GNB1: variants seen among roughly 807,000 people sequenced by gnomAD.
GNB1 encodes G protein subunit beta 1, also known as guanine nucleotide-binding protein G(I)/G(S)/G(T) subunit beta-1.
A neutral mutation model predicts 42.9 loss-of-function variants in GNB1; 2 were observed. That is an observed-to-expected ratio of 0.05 (90% CI 0.02 to 0.15). The LOEUF (loss-of-function observed/expected upper bound fraction) is 0.15, where lower values mean the gene tolerates loss of function less well. Ranked by LOEUF, GNB1 falls within the 10% of genes least tolerant of loss-of-function variation. The pLI is 1.00. For missense variants in GNB1, 193 were observed against 462.2 expected, an observed-to-expected ratio of 0.42 and a Z score of 5.34; for synonymous variants, 183 against 174.7, an observed-to-expected ratio of 1.05 and a Z score of -0.38.
chr1:1,885,521 G>A (rs1650097762), intron 1 of GNB1, among the ~76,000 whole-genome samples: 1 of 146,704 alleles, frequency 6.8e-6, no homozygotes, highest in Non-Finnish European at 1.5e-5. Context: ...AATTTAAGAA[G>A]ACATAAATAA....
At chr1:1,860,655 AGAGG>A (rs1226737998) in intron 1 of GNB1, among the ~76,000 whole-genome samples, 1 of 150,636 alleles carries the variant, frequency 6.6e-6, no homozygotes, top group Non-Finnish European at 1.5e-5. Flanking sequence ...AAAAAAAAAA[AGAGG>A]GAGGAAGAGT....
chr1:1,855,506 C>T (rs145923893), intron 1 of GNB1, among the ~76,000 whole-genome samples: 1 of 151,912 alleles, frequency 6.6e-6, no homozygotes, highest in African/African-American at 2.4e-5. Context: ...TCAAGACCAT[C>T]CTGGCTAACA....
rs61775016 is a variant in GNB1, at chr1:1,879,706, G to A, written c.-96+11114C>T. 2.6e-3 allele frequency among the ~76,000 whole-genome samples: 381 copies of A among 146,276 alleles called. 1 individual carries two copies. The highest frequency in any genetic ancestry group is 9.2e-3 in the African/African-American group (365 of 39,706). ...GGTGACAGAGTGAGACTCTGTCTCA[G>A]GGAAAAAAAAAAAAAAAAGAATAAC... is the stretch of plus-strand genomic sequence containing the variant. On this transcript the variant is annotated intron_variant, in intron 1 of 11. Transcript: ENST00000378609.
intron 2 of GNB1, among the ~76,000 whole-genome samples, chr1:1,827,580 G>C (rs761349780): frequency 1.3e-5 from 2 of 152,156 alleles, no homozygotes; most frequent in African/African-American, 4.8e-5. Flanking sequence ...ATAAATCCTA[G>C]CGACTGTGAT....
intron 3 of GNB1, among the ~76,000 whole-genome samples, chr1:1,822,300 CTTTTT>C (rs33922220): frequency 4.1e-5 from 4 of 97,738 alleles, no homozygotes; most frequent in South Asian, 3.2e-4. Context: ...TCTCTTTTTA[CTTTTT>C]TTTTTTTTTT....
chr1:1,843,570 C>T (rs1647443754), intron 1 of GNB1, among the ~76,000 whole-genome samples: 1 of 152,162 alleles, frequency 6.6e-6, no homozygotes, highest in South Asian at 2.1e-4. Context: ...CAAATCATGA[C>T]TCAAGATTGG....
rs780925923 is a variant in GNB1 at position 1,785,999 on chromosome 1, T to C, written c.*1064A>G. 5.0e-6 allele frequency: 2 copies of C among 398,728 alleles called. No individual in the cohort carries two copies. Among genetic ancestry groups the C allele is most frequent in the Admixed American group, 4.4e-5 (1 of 22,672 alleles). The allele number at this position is 398,728 out of a possible 1,614,324, so 24.7% of individuals were successfully genotyped here. The stretch of plus-strand genomic sequence containing the variant: ...TAAGGACTGAGTCCCATATGCACTT[T>C]TGAGCATTTCTACAGCATGCGATTC... On this transcript the variant is annotated 3_prime_UTR_variant, in exon 12 of 12. Coordinates refer to ENST00000378609, the MANE Select transcript of GNB1 (RefSeq NM_002074.5).
chr1:1,809,189 ATTTTTTTTTTT>A (rs34549355), intron 5 of GNB1, among the ~76,000 whole-genome samples: 2 of 92,724 alleles, frequency 2.2e-5, no homozygotes, highest in Non-Finnish European at 5.0e-5. Flanking sequence ...TTCAGATGCA[ATTTTTTTTTTT>A]TTTTTTTTTT....
chr1:1,812,336 TAAA>T (rs1374985185), intron 5 of GNB1, among the ~76,000 whole-genome samples: 2 of 140,158 alleles, frequency 1.4e-5, no homozygotes, highest in African/African-American at 2.7e-5. Context: ...CCCTAGAACT[TAAA>T]GAAAAAAAAA....
At chr1:1,861,107 T>TCG in intron 1 of GNB1, among the ~76,000 whole-genome samples, 1 of 45,590 alleles carries the variant, frequency 2.2e-5, no homozygotes, top group South Asian at 6.0e-4. Flanking sequence ...AGACTCTGTC[T>TCG]CACAAAAAAA....
At chr1:1,846,246 T>C (rs944991513) in intron 1 of GNB1, among the ~76,000 whole-genome samples, 1 of 152,000 alleles carries the variant, frequency 6.6e-6, no homozygotes, top group Non-Finnish European at 1.5e-5. Context: ...AGCTCTTCTT[T>C]ACAGAGGAAT....
intron 1 of GNB1, among the ~76,000 whole-genome samples, chr1:1,881,649 C>A (rs1291204239): frequency 6.6e-6 from 1 of 152,170 alleles, no homozygotes. Context: ...ATCCGCCCGC[C>A]CTGGCCTCCC....
intron 4 of GNB1, among the ~76,000 whole-genome samples, chr1:1,816,596 T>G (rs1646859822): frequency 6.6e-6 from 1 of 152,042 alleles, no homozygotes; most frequent in Admixed American, 6.6e-5. Flanking sequence ...AGGAATATAG[T>G]TTTTCTTTCA....
chr1:1,832,637 C>G (rs1647092413), intron 2 of GNB1, among the ~76,000 whole-genome samples: 1 of 152,142 alleles, frequency 6.6e-6, no homozygotes, highest in African/African-American at 2.4e-5. Flanking sequence ...GTGCCTCTAC[C>G]CTTCATGGCA....
At chr1:1,789,431 G>T (rs1247073901) in intron 9 of GNB1, among the ~76,000 whole-genome samples, 162 bp from the exon 10 acceptor site, 1 of 152,008 alleles carries the variant, frequency 6.6e-6, no homozygotes, top group Non-Finnish European at 1.5e-5. Context: ...GGTGGCTCAT[G>T]CCTGTAATCC....
At chr1:1,882,734 A>G (rs1207689382) in intron 1 of GNB1, among the ~76,000 whole-genome samples, 6 of 152,116 alleles carry the variant, frequency 3.9e-5, no homozygotes, top group African/African-American at 1.4e-4. Flanking sequence ...CAGACTGGCC[A>G]ATATGGTGAA....
chr1:1,800,765 A>G (rs975835735), intron 7 of GNB1, among the ~76,000 whole-genome samples: 28 of 151,904 alleles, frequency 1.8e-4, no homozygotes, highest in African/African-American at 6.5e-4. Flanking sequence ...AAAAAAAAAA[A>G]AAAAAAGAAA....
In GNB1 at chr1:1,787,202, A is replaced by G; in HGVS notation, c.*9+120T>C. 1.5e-6 allele frequency: 1 copy of G among 669,206 alleles called. No homozygotes were observed. Among genetic ancestry groups the G allele is most frequent in the Non-Finnish European group, 2.7e-6 (1 of 376,930 alleles). 41.5% of individuals were successfully genotyped at this position (669,206 alleles called of 1,614,324 possible). The stretch of plus-strand genomic sequence containing the variant: ...GCTTTCTGTAAACGTTTCCCACAAC[A>G]CAATTCCAAATCAATGCTACATCAA... On this transcript the variant is annotated intron_variant, in intron 11 of 11. Transcript: ENST00000378609. This position sits in a 1 kb window ranked among gnomAD's most constrained non-coding sequence, Gnocchi z 4.4.
At position 1,817,991 on chromosome 1, in the gene GNB1, T is replaced by C. The variant is rs534902527; in HGVS notation, c.58-116A>G. On this transcript the variant is annotated intron_variant, in intron 3 of 11. Coordinates refer to ENST00000378609, the MANE Select transcript of GNB1 (RefSeq NM_002074.5). ...TAAGCTGTCAGGAGCAAAAGCAGAA[T>C]GTGAAAGAACGGCAGAGTCTCCTTG... The C allele has an allele frequency of 6.5e-5, 51 of 785,500 alleles. No individual in the cohort carries two copies. In the South Asian group the frequency reaches 7.0e-4, roughly 11 times the overall value. 48.7% of individuals were successfully genotyped at this position (785,500 alleles called of 1,614,324 possible). A position where few individuals can be genotyped will look rare whatever the true frequency, so the allele number is the denominator to read the frequency against.
Sources: allele counts gnomAD v4.1 joint callset (sites outside exome capture counted in the v4.1 genomes callset), GRCh38; gene constraint gnomAD v4.1.1; non-coding constraint Gnocchi (gnomAD v3.1); transcripts MANE v1.5; gene names NCBI Gene and HGNC (gene_info 2026-07-23, HGNC 2026-07-21).